Variants in ZNF264 observed in about 807,000 individuals in gnomAD.
ZNF264 encodes the protein zinc finger protein 264.
Under a neutral mutation model 11.2 loss-of-function variants are expected in ZNF264, and 11 were observed. That is an observed-to-expected ratio of 0.98 (90% confidence interval 0.62 to 1.63). The LOEUF (loss-of-function observed/expected upper bound fraction) is 1.63. Ranked by LOEUF, ZNF264 falls within the 40% of genes most tolerant of loss-of-function variation. The pLI is 0.00. For missense variants in ZNF264, 752 were observed against 768.1 expected, an observed-to-expected ratio of 0.98 and a Z score of 0.25; for synonymous variants, 309 against 279.8, an observed-to-expected ratio of 1.10 and a Z score of -1.04.
intron 3 of ZNF264, 136 bp downstream of exon 3, chr19:57,205,628 A>G (rs1568474611): frequency 2.6e-6 from 2 of 780,870 alleles, no homozygotes; most frequent in East Asian, 2.7e-5. Flanking sequence ...CTATCACACT[A>G]GAATGTTCCA....
intron 1 of ZNF264, chr19:57,192,498 C>T (rs888427524): frequency 3.0e-6 from 3 of 985,274 alleles, no homozygotes; most frequent in Non-Finnish European, 3.6e-6. Context: ...CGCTCGTGTT[C>T]CGTGGCCCCA....
chr19:57,191,619 C>T lies in ZNF264; in HGVS notation c.-295C>T, dbSNP rs1414359381. The T allele has an allele frequency of 2.7e-6, 1 of 366,102 alleles. No homozygotes were observed. Among genetic ancestry groups the T allele is most frequent in the African/African-American group, 2.1e-5 (1 of 47,720 alleles). 22.7% of individuals were successfully genotyped at this position (366,102 alleles called of 1,614,324 possible). ...AGTAGGATAGGAATCCCCGCCGCACCTTTGTACGAGCCTGACCCCTTCCGT... is the reference window on the plus strand; with the variant it reads ...AGTAGGATAGGAATCCCCGCCGCACTTTTGTACGAGCCTGACCCCTTCCGT... On this transcript the variant is annotated 5_prime_UTR_variant, in exon 1 of 4. Coordinates refer to ENST00000263095, the MANE Select transcript of ZNF264 (RefSeq NM_003417.5).
Position 57,216,506 on chromosome 19 carries a change from A to G in ZNF264, c.*3525A>G, listed in dbSNP as rs1411430320. On this transcript the variant is annotated 3_prime_UTR_variant, in exon 4 of 4. Transcript: ENST00000263095. ...GTGGTGAATTGACTCTTCTGTCATTATGTGATGTCATTTTTTTGCCTTTTA... is the reference window on the plus strand; with the variant it reads ...GTGGTGAATTGACTCTTCTGTCATTGTGTGATGTCATTTTTTTGCCTTTTA... 1 of 152,166 alleles carries G rather than the reference A, an allele frequency of 6.6e-6. No individual in the cohort carries two copies. The highest frequency in any genetic ancestry group is 1.5e-5 in the Non-Finnish European group (1 of 68,030). 9.4% of individuals were successfully genotyped at this position (152,166 alleles called of 1,614,324 possible).
intron 3 of ZNF264, 108 bp downstream of exon 3, chr19:57,205,600 T>C: frequency 3.3e-6 from 3 of 920,898 alleles, no homozygotes. Flanking sequence ...CCTCTCTCTA[T>C]ATAACTCTTA....
At chr19:57,197,433 C>T (rs1262445114) in intron 2 of ZNF264, among the ~76,000 whole-genome samples, 1 of 151,790 alleles carries the variant, frequency 6.6e-6, no homozygotes, top group East Asian at 1.9e-4. Flanking sequence ...GGCCTTGCTC[C>T]AAAATCCTAG....
chr19:57,194,246 A>G (rs1265284597), intron 2 of ZNF264: 12 of 503,388 alleles, frequency 2.4e-5, no homozygotes, highest in Admixed American at 3.8e-5. Flanking sequence ...GTGTTTTGCA[A>G]ACTCAAAGGT....
At chr19:57,193,674 A>C (rs1230476629) in intron 1 of ZNF264, 9 of 623,394 alleles carry the variant, frequency 1.4e-5, no homozygotes, top group Non-Finnish European at 1.8e-5. Context: ...ACGGCCGTTA[A>C]ATAGGAGGCT....
chr19:57,194,115 T>A, intron 2 of ZNF264, 114 bp downstream of exon 2: 1 of 1,425,676 alleles, frequency 7.0e-7, no homozygotes, highest in Non-Finnish European at 9.4e-7. Context: ...CTTGCCTCTT[T>A]CCCACAGCTT....
rs1450541903 is a variant in ZNF264 at position 57,219,528 on chromosome 19, G to C, written c.*6547G>C. The C allele has an allele frequency of 6.6e-6, 1 of 152,268 alleles. No homozygotes were observed. Among genetic ancestry groups the C allele is most frequent in the Non-Finnish European group, 1.5e-5 (1 of 68,110 alleles). The allele number at this position is 152,268 out of a possible 1,614,324, so 9.4% of individuals were successfully genotyped here. ...TCACTCCACGGACAGCTACAGGAGG[G>C]CTTCCATCATTTGTCCTCTTACTTC... On this transcript the variant is annotated 3_prime_UTR_variant, in exon 4 of 4. Coordinates refer to ENST00000263095, the MANE Select transcript of ZNF264 (RefSeq NM_003417.5).
chr19:57,215,819 A>C lies in ZNF264; in HGVS notation c.*2838A>C, dbSNP rs2087376231. The C allele has an allele frequency of 6.6e-6, 1 of 152,100 alleles. No homozygotes were observed. Among genetic ancestry groups the C allele is most frequent in the South Asian group, 2.1e-4 (1 of 4,826 alleles). 9.4% of individuals were successfully genotyped at this position (152,100 alleles called of 1,614,324 possible). A position where few individuals can be genotyped will look rare whatever the true frequency, so the allele number is the denominator to read the frequency against. On this transcript the variant is annotated 3_prime_UTR_variant, in exon 4 of 4. Coordinates refer to ENST00000263095, the MANE Select transcript of ZNF264 (RefSeq NM_003417.5). ...TTTTCTGGTGTTTGGCATATTTGTT[A>C]CTGATTTCTAATTTGTTCCATGTTT...
At chr19:57,209,427 A>AGTTGTT (rs1350658500) in intron 3 of ZNF264, among the ~76,000 whole-genome samples, 1 of 152,192 alleles carries the variant, frequency 6.6e-6, no homozygotes, top group African/African-American at 2.4e-5. Context: ...AGTTAAGTAT[A>AGTTGTT]GTTGGTATTT....
In ZNF264 at chr19:57,193,306, T is replaced by C. The variant is rs116035222; in HGVS notation, c.34-569T>C. Among the ~76,000 whole-genome samples the C allele has an allele frequency of 4.8e-3, 724 of 152,306 alleles. 2 individuals are homozygous for C. The highest frequency in any genetic ancestry group is 0.015 in the African/African-American group (635 of 41,562). On this transcript the variant is annotated intron_variant, in intron 1 of 3. Coordinates refer to ENST00000263095, the MANE Select transcript of ZNF264 (RefSeq NM_003417.5). ...GGGACTGTGAAAGGATTAATAAAAA[T>C]CCCAGAGCACACTGAGCATTGAATA...
chr19:57,207,813 G>C (rs1360896758), intron 3 of ZNF264, among the ~76,000 whole-genome samples: 2 of 151,512 alleles, frequency 1.3e-5, no homozygotes, highest in African/African-American at 4.8e-5. Flanking sequence ...TGCAACCTCC[G>C]CCTCCCAGGT....
chr19:57,211,373 G>A lies in ZNF264; in HGVS notation c.276G>A (p.Lys92=). 12 of 1,607,250 alleles carry A rather than the reference G, an allele frequency of 7.5e-6. No homozygotes were observed. The highest frequency in any genetic ancestry group is 1.0e-5 in the Non-Finnish European group (12 of 1,176,190). ...TTTCAGGCGACAAAGGAAAACCTAA[G>A]ACCACAGAACCTACCACTTGTGAGC... is the stretch of plus-strand genomic sequence containing the variant. ...DTCPGDKGKP[K]TTEPTTCEPA... is the part of the protein sequence containing the mutation. The change falls in exon 4 of 4, where the codon AAG becomes AAA. Residue 92 remains lysine (K), a synonymous_variant. Transcript: ENST00000263095.
chr19:57,191,832 C>T lies in ZNF264; in HGVS notation c.-82C>T. On this transcript the variant is annotated 5_prime_UTR_variant, in exon 1 of 4. Transcript: ENST00000263095. ...AGCGCGCCTGGAAGCCCCGGGCAACCGGCCAGGGTCGGGCACAGGTGGGGT... is the reference window on the plus strand; with the variant it reads ...AGCGCGCCTGGAAGCCCCGGGCAACTGGCCAGGGTCGGGCACAGGTGGGGT... 1 of 1,155,352 alleles carries T rather than the reference C, an allele frequency of 8.7e-7. No homozygotes were observed. The highest frequency in any genetic ancestry group is 3.7e-5 in the South Asian group (1 of 26,868). 71.6% of individuals were successfully genotyped at this position (1,155,352 alleles called of 1,614,324 possible). A position where few individuals can be genotyped will look rare whatever the true frequency, so the allele number is the denominator to read the frequency against.
intron 2 of ZNF264, among the ~76,000 whole-genome samples, chr19:57,203,080 A>G (rs2087265294): frequency 6.6e-6 from 1 of 152,166 alleles, no homozygotes; most frequent in Non-Finnish European, 1.5e-5. Context: ...GAGTAGAGAA[A>G]AAACATGATT....
chr19:57,203,611 G>A (rs552980319), intron 2 of ZNF264, among the ~76,000 whole-genome samples: 15 of 152,074 alleles, frequency 9.9e-5, no homozygotes, highest in Non-Finnish European at 1.9e-4. Flanking sequence ...GGTGAGAGTA[G>A]ATACTATTTG....
At position 57,216,891 on chromosome 19, in the gene ZNF264, T is replaced by C. The variant is rs2087383980; in HGVS notation, c.*3910T>C. 1 of 152,034 alleles carries C rather than the reference T, an allele frequency of 6.6e-6. No homozygotes were observed. Among genetic ancestry groups the C allele is most frequent in the African/African-American group, 2.4e-5 (1 of 41,398 alleles). The allele number at this position is 152,034 out of a possible 1,614,324, so 9.4% of individuals were successfully genotyped here. ...TTTTTTTTTTAATAATTTGATTTGATACATATGTAGTGTTTTTTAGTATAG... is the reference window on the plus strand; with the variant it reads ...TTTTTTTTTTAATAATTTGATTTGACACATATGTAGTGTTTTTTAGTATAG... On this transcript the variant is annotated 3_prime_UTR_variant, in exon 4 of 4. Transcript: ENST00000263095.
chr19:57,201,457 C>T (rs1024711169), intron 2 of ZNF264, among the ~76,000 whole-genome samples: 1 of 151,936 alleles, frequency 6.6e-6, no homozygotes, highest in Non-Finnish European at 1.5e-5. Context: ...AGTTAAGCAG[C>T]CCACCAGTGA....
Sources: allele counts gnomAD v4.1 joint callset (sites outside exome capture counted in the v4.1 genomes callset), GRCh38; gene constraint gnomAD v4.1.1; transcripts MANE v1.5; gene names NCBI Gene and HGNC (gene_info 2026-07-23, HGNC 2026-07-21).